Variants in MGAT4A observed in about 807,000 individuals in gnomAD.
MGAT4A encodes N-acetylglucosaminyltransferase IVa.
MGAT4A carries 33 observed loss-of-function variants against 74.1 expected under a neutral mutation model. The ratio of observed to expected loss-of-function variants is 0.45; its 90% CI spans 0.34 to 0.60. The LOEUF is 0.60. Ranked by LOEUF, MGAT4A falls within the 20% of genes least tolerant of loss-of-function variation. The pLI, the probability that MGAT4A is intolerant of heterozygous loss-of-function variation, is 0.02. For synonymous variants in MGAT4A, 198 were observed against 210.4 expected, an observed-to-expected ratio of 0.94 and a Z score of 0.51; for missense variants, 479 against 628.3, an observed-to-expected ratio of 0.76 and a Z score of 2.54.
chr2:98,704,496 T>C (rs1345222917), intron 2 of MGAT4A, among the ~76,000 whole-genome samples: 1 of 152,110 alleles, frequency 6.6e-6, no homozygotes, highest in Non-Finnish European at 1.5e-5. Flanking sequence ...TGGTCCCAGC[T>C]ACTTGGGAAG....
At chr2:98,712,881 G>A (rs1022320100) in intron 2 of MGAT4A, among the ~76,000 whole-genome samples, 2 of 152,208 alleles carry the variant, frequency 1.3e-5, no homozygotes, top group Non-Finnish European at 2.9e-5. Context: ...GCCCTTTTGG[G>A]CCAGGCACAG....
chr2:98,624,486 A>C lies in MGAT4A; in HGVS notation c.*1080T>G. On this transcript the variant is annotated 3_prime_UTR_variant, in exon 16 of 16. Coordinates refer to ENST00000393487, the MANE Select transcript of MGAT4A (RefSeq NM_012214.3). ...TCATACTACAATAAAATCATTTTGG[A>C]AAATATACTACTAATAATATATTTC... 2 of 970,262 alleles carry C rather than the reference A, an allele frequency of 2.1e-6. No homozygotes were observed. Among genetic ancestry groups the C allele is most frequent in the Non-Finnish European group, 2.5e-6 (2 of 816,136 alleles). 60.1% of individuals were successfully genotyped at this position (970,262 alleles called of 1,614,324 possible). A position where few individuals can be genotyped will look rare whatever the true frequency, so the allele number is the denominator to read the frequency against.
chr2:98,703,038 G>A (rs1476589747), intron 2 of MGAT4A, among the ~76,000 whole-genome samples: 1 of 152,168 alleles, frequency 6.6e-6, no homozygotes, highest in Non-Finnish European at 1.5e-5. Flanking sequence ...TAAAATTCTG[G>A]CAGTCAGTGG....
chr2:98,730,719 C>T (rs1702840566), intron 1 of MGAT4A, among the ~76,000 whole-genome samples: 1 of 150,830 alleles, frequency 6.6e-6, no homozygotes, highest in Admixed American at 6.6e-5. Flanking sequence ...GGCGCCGAGC[C>T]GGCCGCAGAG....
intron 2 of MGAT4A, among the ~76,000 whole-genome samples, chr2:98,704,819 C>T (rs1338397481): frequency 6.6e-6 from 1 of 151,860 alleles, no homozygotes; most frequent in African/African-American, 2.4e-5. Context: ...TATCCTGTAA[C>T]TAGGATTAGC....
chr2:98,677,595 G>A lies in MGAT4A; in HGVS notation c.262+709C>T, dbSNP rs541659082. On this transcript the variant is annotated intron_variant, in intron 3 of 15. Coordinates refer to ENST00000393487, the MANE Select transcript of MGAT4A (RefSeq NM_012214.3). Reference sequence around the variant, plus strand: ...AGCCTCCTAAGTAGCTGGCACTACAGGCGCACACCAACATGCCCGGCTAAT... The same window carrying A: ...AGCCTCCTAAGTAGCTGGCACTACAAGCGCACACCAACATGCCCGGCTAAT... Among the ~76,000 whole-genome samples the A allele has an allele frequency of 1.4e-3, 214 of 152,106 alleles. 2 individuals are homozygous for A. Among genetic ancestry groups the A allele is most frequent in the South Asian group, 2.7e-3 (13 of 4,822 alleles).
chr2:98,728,744 G>GAA (rs201051152), intron 1 of MGAT4A, among the ~76,000 whole-genome samples: 2,237 of 137,244 alleles, frequency 0.016, 71 homozygotes, highest in African/African-American at 0.054. Context: ...GACTCAGTTT[G>GAA]AAAAAAAAAA....
intron 4 of MGAT4A, among the ~76,000 whole-genome samples, chr2:98,671,232 A>G (rs1181940198): frequency 6.6e-6 from 1 of 152,204 alleles, no homozygotes; most frequent in African/African-American, 2.4e-5. Context: ...ACCTCGTCCA[A>G]GTTCCAAGTT....
rs183056951 is a variant in MGAT4A at position 98,672,232 on chromosome 2, T to C, written c.403+2803A>G. Among the ~76,000 whole-genome samples the C allele has an allele frequency of 2.0e-5, 3 of 152,336 alleles. No homozygotes were observed. In the East Asian group the frequency reaches 5.8e-4, roughly 29 times the overall value. ...TTAGGCCAAAAGTCCCTCTTACACA[T>C]TCTCAAAGCATCCTTTACATCGGTA... On this transcript the variant is annotated intron_variant, in intron 4 of 15. Transcript: ENST00000393487.
At chr2:98,678,725 G>C (rs937820741) in intron 2 of MGAT4A, among the ~76,000 whole-genome samples, 1 of 151,946 alleles carries the variant, frequency 6.6e-6, no homozygotes. Context: ...GCAGTCTCCA[G>C]CACTTCATAT....
At chr2:98,705,835 C>T (rs1193621906) in intron 2 of MGAT4A, among the ~76,000 whole-genome samples, 2 of 149,014 alleles carry the variant, frequency 1.3e-5, no homozygotes, top group African/African-American at 2.5e-5. Context: ...CCCAGCTACT[C>T]GGGGGCTGAG....
intron 1 of MGAT4A, 35 bp from the exon 2 acceptor site, chr2:98,726,602 G>T: frequency 2.5e-6 from 1 of 394,782 alleles, no homozygotes; most frequent in East Asian, 3.6e-5. Flanking sequence ...AAGCTCATTC[G>T]GTAATGCAAA....
intron 9 of MGAT4A, among the ~76,000 whole-genome samples, 198 bp from the exon 10 acceptor site, chr2:98,644,251 G>T (rs1004673778): frequency 2.0e-5 from 3 of 152,138 alleles, no homozygotes; most frequent in Admixed American, 1.3e-4. Context: ...TGTCACCTGG[G>T]TGTAAACAGA....
rs1267544535 is a variant in MGAT4A at position 98,624,843 on chromosome 2, T to C, written c.*723A>G. ...GTAAAGTAACCCTCAGGAAGGACATTAGTCTTTAAAATCTTGGCTTTAAGG... is the reference window on the plus strand; with the variant it reads ...GTAAAGTAACCCTCAGGAAGGACATCAGTCTTTAAAATCTTGGCTTTAAGG... On this transcript the variant is annotated 3_prime_UTR_variant, in exon 16 of 16. Coordinates refer to ENST00000393487, the MANE Select transcript of MGAT4A (RefSeq NM_012214.3). 1.0e-6 allele frequency: 1 copy of C among 985,386 alleles called. No individual in the cohort carries two copies. Among genetic ancestry groups the C allele is most frequent in the African/African-American group, 1.7e-5 (1 of 57,228 alleles). 61.0% of individuals were successfully genotyped at this position (985,386 alleles called of 1,614,324 possible).
intron 2 of MGAT4A, among the ~76,000 whole-genome samples, chr2:98,708,274 C>A (rs1429193937): frequency 1.3e-5 from 2 of 151,914 alleles, no homozygotes; most frequent in African/African-American, 4.8e-5. Context: ...CGCCAGTGAG[C>A]ACAGCTGACA....
chr2:98,703,518 G>C (rs1037493990), intron 2 of MGAT4A, among the ~76,000 whole-genome samples: 1 of 152,098 alleles, frequency 6.6e-6, no homozygotes, highest in Non-Finnish European at 1.5e-5. Flanking sequence ...GAACAGAGGG[G>C]AACTTCCTCA....
intron 3 of MGAT4A, among the ~76,000 whole-genome samples, chr2:98,677,969 G>C (rs143003366): frequency 6.6e-6 from 1 of 151,150 alleles, no homozygotes; most frequent in Non-Finnish European, 1.5e-5. Context: ...AGTGGCTCAC[G>C]CCTGTAATCT....
intron 2 of MGAT4A, among the ~76,000 whole-genome samples, chr2:98,692,628 G>A (rs763538137): frequency 1.9e-4 from 29 of 151,772 alleles, no homozygotes; most frequent in Non-Finnish European, 2.9e-4. Flanking sequence ...CCTTTTATAC[G>A]GTATTTTTAC....
intron 14 of MGAT4A, among the ~76,000 whole-genome samples, chr2:98,627,296 T>G (rs1394608621): frequency 2.0e-5 from 3 of 152,246 alleles, no homozygotes; most frequent in Admixed American, 2.0e-4. Context: ...ATGTTAGTTT[T>G]GCATATAAGC....
Sources: allele counts gnomAD v4.1 joint callset (sites outside exome capture counted in the v4.1 genomes callset), GRCh38; gene constraint gnomAD v4.1.1; transcripts MANE v1.5; gene names NCBI Gene and HGNC (gene_info 2026-07-23, HGNC 2026-07-21).